Variants in GJC1 observed in about 807,000 individuals in gnomAD.
GJC1 encodes the protein gap junction gamma-1 protein.
A neutral mutation model predicts 29.3 loss-of-function variants in GJC1; 5 were observed. The ratio of observed to expected loss-of-function variants is 0.17; its 90% CI spans 0.09 to 0.36. GJC1 has a LOEUF of 0.36. Ranked by LOEUF, GJC1 falls within the 10% of genes least tolerant of loss-of-function variation. GJC1 has a pLI of 1.00. For synonymous variants in GJC1, 177 were observed against 183.3 expected (o/e 0.97, Z 0.28); for missense variants, 310 against 496.2 (o/e 0.62, Z 3.56).
At chr17:44,821,767 G>A (rs909525942) in intron 1 of GJC1, among the ~76,000 whole-genome samples, 4 of 150,202 alleles carry the variant, frequency 2.7e-5, no homozygotes, top group Admixed American at 6.7e-5. Flanking sequence ...TACACCAATG[G>A]TGTCATCTGG....
intron 1 of GJC1, among the ~76,000 whole-genome samples, chr17:44,817,979 G>A (rs762262277): frequency 1.3e-5 from 2 of 152,140 alleles, no homozygotes; most frequent in South Asian, 2.1e-4. Flanking sequence ...TTGGGAGGCC[G>A]AGGTGGGCGG....
intron 1 of GJC1, among the ~76,000 whole-genome samples, chr17:44,813,628 G>A (rs2050010027): frequency 6.6e-6 from 1 of 151,468 alleles, no homozygotes; most frequent in Non-Finnish European, 1.5e-5. Flanking sequence ...GAGTAGCTGG[G>A]ACTACAGGCA....
At chr17:44,819,998 C>T (rs931617449) in intron 1 of GJC1, among the ~76,000 whole-genome samples, 2 of 152,172 alleles carry the variant, frequency 1.3e-5, no homozygotes, top group African/African-American at 2.4e-5. Flanking sequence ...GCCAGGATTA[C>T]AGGCGTGTGC....
chr17:44,830,896 A>G (rs920119389), upstream of GJC1: 1 of 390,786 alleles, frequency 2.6e-6, no homozygotes, highest in Non-Finnish European at 4.5e-6. The surrounding 1 kb of genome is among the most constrained non-coding windows in gnomAD (Gnocchi z 4.3). Context: ...GCATCCCAGC[A>G]GGATCCCATT....
At chr17:44,830,545 C>A, upstream of GJC1, 1 of 397,962 alleles carries the variant, frequency 2.5e-6, no homozygotes, top group Non-Finnish European at 4.4e-6. The surrounding 1 kb of genome is among the most constrained non-coding windows in gnomAD (Gnocchi z 4.3). Flanking sequence ...CCGGACAGTT[C>A]ATTCTTCCAA....
Position 44,799,406 on chromosome 17 carries a change from AT to A in GJC1, c.*5220del, listed in dbSNP as rs1466168461. 2.0e-5 allele frequency: 3 copies of A among 151,936 alleles called. No homozygotes were observed. Among genetic ancestry groups the A allele is most frequent in the Non-Finnish European group, 4.4e-5 (3 of 68,038 alleles). The allele number at this position is 151,936 out of a possible 1,614,324, so 9.4% of individuals were successfully genotyped here. On this transcript the variant is annotated 3_prime_UTR_variant, in exon 3 of 3. Coordinates refer to ENST00000592524, the MANE Select transcript of GJC1 (RefSeq NM_005497.4). ...TTTTTAGTAGAGAGGGGGTTTTACC[AT>A]GTTGGCCAGGCTTGTTTCAAACTCC... is the stretch of plus-strand genomic sequence containing the variant.
intron 1 of GJC1, among the ~76,000 whole-genome samples, chr17:44,815,316 G>A (rs955438380): frequency 6.6e-6 from 1 of 152,042 alleles, no homozygotes; most frequent in East Asian, 1.9e-4. Context: ...AATAGCTGGG[G>A]TCCAACTGAT....
intron 1 of GJC1, chr17:44,807,719 G>A (rs980008899): frequency 6.6e-6 from 1 of 152,168 alleles, no homozygotes; most frequent in Non-Finnish European, 1.5e-5. Flanking sequence ...ACAGGAAGAT[G>A]CGTCAGTAGT....
intron 1 of GJC1, among the ~76,000 whole-genome samples, chr17:44,828,572 A>T (rs2050199099): frequency 6.6e-6 from 1 of 152,212 alleles, no homozygotes; most frequent in African/African-American, 2.4e-5. Context: ...AATCTGGGGA[A>T]AACTAAGATC....
In GJC1 at chr17:44,804,553, C is replaced by G. The variant is rs979843957; in HGVS notation, c.*74G>C. 1 of 1,155,442 alleles carries G rather than the reference C, an allele frequency of 8.7e-7. No individual in the cohort carries two copies. Among genetic ancestry groups the G allele is most frequent in the African/African-American group, 1.5e-5 (1 of 65,324 alleles). 71.6% of individuals were successfully genotyped at this position (1,155,442 alleles called of 1,614,324 possible). On this transcript the variant is annotated 3_prime_UTR_variant, in exon 3 of 3. Transcript: ENST00000592524. ...AGATAACCAGAGCCAAATGTTTACT[C>G]AATGGAAGTCATTATTCAGTGAGCT...
chr17:44,794,681 T>A (rs554377385), downstream of GJC1: 1 of 152,350 alleles, frequency 6.6e-6, no homozygotes, highest in South Asian at 2.1e-4. Context: ...TTCCCCATGG[T>A]CGGGTCCCAT....
At chr17:44,813,893 A>T (rs912166807) in intron 1 of GJC1, among the ~76,000 whole-genome samples, 41 of 152,180 alleles carry the variant, frequency 2.7e-4, no homozygotes, top group African/African-American at 9.2e-4. Context: ...CATTTCTGTA[A>T]TGGGTCACTC....
chr17:44,811,701 T>A (rs2049983983), intron 1 of GJC1, among the ~76,000 whole-genome samples: 3 of 152,002 alleles, frequency 2.0e-5, no homozygotes, highest in African/African-American at 7.2e-5. Flanking sequence ...TCTCTTAATA[T>A]AATTCTGTGG....
chr17:44,824,930 A>C (rs2050155929), intron 1 of GJC1, among the ~76,000 whole-genome samples: 1 of 151,032 alleles, frequency 6.6e-6, no homozygotes, highest in African/African-American at 2.4e-5. Context: ...AAAAAAAAAA[A>C]ACGTTGGGAT....
chr17:44,825,342 T>G (rs1001997262), intron 1 of GJC1, among the ~76,000 whole-genome samples: 3 of 150,774 alleles, frequency 2.0e-5, no homozygotes, highest in African/African-American at 7.3e-5. Flanking sequence ...AATACAAAAT[T>G]AGCTGGGCAT....
chr17:44,811,712 G>GAA (rs202246551), intron 1 of GJC1, among the ~76,000 whole-genome samples: 28 of 151,472 alleles, frequency 1.8e-4, no homozygotes, highest in South Asian at 6.3e-4. Flanking sequence ...AATTCTGTGG[G>GAA]AAAAAAAATA....
chr17:44,811,135 G>A (rs1357040354), intron 1 of GJC1, among the ~76,000 whole-genome samples: 1 of 151,796 alleles, frequency 6.6e-6, no homozygotes, highest in Non-Finnish European at 1.5e-5. Context: ...TGGAGGGAGT[G>A]CAATGGCACG....
rs2049901718 is a variant in GJC1, at chr17:44,805,404, A to G, written c.414T>C (p.Pro138=). The part of the protein sequence containing the change: ...EETEEDNEED[P]MMYPEMELES... ...CTAACTCCATCTCTGGATACATCAT[A>G]GGATCCTCTTCGTTGTCCTCCTCCG... The change falls in exon 3 of 3, where the codon CCT becomes CCC. Residue 138 remains proline, a synonymous_variant. Transcript: ENST00000592524. The surrounding 1 kb of genome is among the most constrained non-coding windows in gnomAD (Gnocchi z 5.1). 1.2e-6 allele frequency: 2 copies of G among 1,614,056 alleles called. No individual in the cohort carries two copies. Among genetic ancestry groups the G allele is most frequent in the Non-Finnish European group, 1.7e-6 (2 of 1,180,046 alleles).
Position 44,805,236 on chromosome 17 carries a change from C to G in GJC1, c.582G>C (p.Gly194=). ...CTTGGAAGCCATACAGAAAATACTG[C>G]CCTATCAGAAAACCCACCTCAAACA... ...RTVFEVGFLI[G]QYFLYGFQVH... The change falls in exon 3 of 3, where the codon GGG becomes GGC. Residue 194 remains glycine (G), a synonymous_variant. Transcript: ENST00000592524. This position sits in a 1 kb window ranked among gnomAD's most constrained non-coding sequence, Gnocchi z 5.1. The G allele has an allele frequency of 6.2e-7, 1 of 1,614,148 alleles. No homozygotes were observed. Among genetic ancestry groups the G allele is most frequent in the Non-Finnish European group, 8.5e-7 (1 of 1,180,022 alleles).
Sources: allele counts gnomAD v4.1 joint callset (sites outside exome capture counted in the v4.1 genomes callset), GRCh38; gene constraint gnomAD v4.1.1; non-coding constraint Gnocchi (gnomAD v3.1); transcripts MANE v1.5; gene names NCBI Gene and HGNC (gene_info 2026-07-23, HGNC 2026-07-21).